The following PCDHA7 variants were observed in gnomAD, a reference collection of about 807,000 sequenced individuals.
PCDHA7 encodes protocadherin alpha 7, also known as protocadherin alpha-7.
A neutral mutation model predicts 57.2 loss-of-function variants in PCDHA7; 37 were observed. The ratio of observed to expected loss-of-function variants is 0.65; its 90% CI spans 0.50 to 0.85. The LOEUF (loss-of-function observed/expected upper bound fraction) is 0.85, where lower values mean the gene tolerates loss of function less well. Ranked by LOEUF, PCDHA7 falls within the 40% of genes least tolerant of loss-of-function variation. The pLI, the probability that PCDHA7 is intolerant of heterozygous loss-of-function variation, is 0.00. For missense variants in PCDHA7, 1,188 were observed against 1,241.8 expected (o/e 0.96, Z 0.65); for synonymous variants, 553 against 558.8 (o/e 0.99, Z 0.15).
At chr5:140,857,914 C>A (rs781836779) in intron 1 of PCDHA7, 4 of 1,597,754 alleles carry the variant, frequency 2.5e-6, no homozygotes, top group South Asian at 2.2e-5. Flanking sequence ...TCCCGTTTCG[C>A]GTGGGGCTGT....
intron 3 of PCDHA7, among the ~76,000 whole-genome samples, chr5:141,007,525 G>C (rs782132903): frequency 1.3e-4 from 19 of 151,814 alleles, no homozygotes; most frequent in Non-Finnish European, 2.5e-4. Context: ...CTGATATCTC[G>C]CCACTGCACT....
intron 1 of PCDHA7, among the ~76,000 whole-genome samples, chr5:140,915,767 C>T (rs1554197085): frequency 6.6e-6 from 1 of 151,976 alleles, no homozygotes; most frequent in Non-Finnish European, 1.5e-5. Context: ...TGGGTCTTGT[C>T]CAAGGCCTGC....
At chr5:140,939,841 T>C (rs1269688667) in intron 1 of PCDHA7, among the ~76,000 whole-genome samples, 5 of 152,344 alleles carry the variant, frequency 3.3e-5, no homozygotes, top group Middle Eastern at 3.4e-3. Context: ...TGCTTGTTGT[T>C]GTGTTCTGTA....
intron 1 of PCDHA7, among the ~76,000 whole-genome samples, chr5:140,888,049 T>C (rs554327528): frequency 1.3e-5 from 2 of 152,354 alleles, no homozygotes; most frequent in South Asian, 2.1e-4. Context: ...GTATAATAGA[T>C]GTTTTAACTT....
chr5:140,883,870 G>T, intron 1 of PCDHA7: 1 of 1,613,302 alleles, frequency 6.2e-7, no homozygotes, highest in South Asian at 1.1e-5. Context: ...TGCAGTTCCA[G>T]GTGAGCGCGC....
intron 3 of PCDHA7, 39 bp from the exon 4 acceptor site, chr5:141,009,588 G>A: frequency 6.3e-7 from 1 of 1,598,586 alleles, no homozygotes; most frequent in Non-Finnish European, 8.5e-7. Context: ...AAGAGCATGT[G>A]TTGACCCTGT....
intron 1 of PCDHA7, among the ~76,000 whole-genome samples, chr5:140,938,877 ACACACACACACACAGATGCG>A (rs1350432569): frequency 6.6e-6 from 1 of 150,854 alleles, no homozygotes; most frequent in Non-Finnish European, 1.5e-5. Flanking sequence ...TTAAGAAGCA[ACACACACACACACAGATGCG>A]CACACACACA....
intron 1 of PCDHA7, among the ~76,000 whole-genome samples, chr5:140,903,398 T>C (rs1011557575): frequency 1.3e-5 from 2 of 152,204 alleles, no homozygotes; most frequent in Admixed American, 1.3e-4. Context: ...CTAGAAACAG[T>C]AGTGCAGTCA....
intron 3 of PCDHA7, among the ~76,000 whole-genome samples, chr5:140,996,886 T>C (rs1396322934): frequency 6.6e-6 from 1 of 152,218 alleles, no homozygotes; most frequent in Non-Finnish European, 1.5e-5. Context: ...TATTTTTAAA[T>C]AAAATAGAAT....
intron 1 of PCDHA7, among the ~76,000 whole-genome samples, chr5:140,897,304 G>C (rs1297881439): frequency 1.7e-4 from 25 of 150,768 alleles, no homozygotes; most frequent in African/African-American, 6.1e-4. Flanking sequence ...TTTAGCATTA[G>C]GTATATCTCC....
At chr5:140,861,631 C>A (rs960525062) in intron 1 of PCDHA7, 2 of 314,942 alleles carry the variant, frequency 6.4e-6, no homozygotes, top group Non-Finnish European at 1.3e-5. Context: ...GTGTTCTCAG[C>A]AACACAAAAG....
chr5:140,972,905 A>C (rs1188926107), intron 1 of PCDHA7, among the ~76,000 whole-genome samples: 18 of 151,782 alleles, frequency 1.2e-4, no homozygotes, highest in African/African-American at 4.4e-4. Flanking sequence ...CTTGTGATCC[A>C]CCCGCCTTGG....
At chr5:140,917,118 G>A (rs961408905) in intron 1 of PCDHA7, among the ~76,000 whole-genome samples, 2 of 152,106 alleles carry the variant, frequency 1.3e-5, no homozygotes, top group African/African-American at 2.4e-5. Context: ...CTCCAAGTGC[G>A]CAGACTCCCC....
Position 140,836,216 on chromosome 5 carries a change from G to A in PCDHA7, c.1833G>A (p.Leu611=). 6.2e-7 allele frequency: 1 copy of A among 1,613,840 alleles called. No individual in the cohort carries two copies. Among genetic ancestry groups the A allele is most frequent in the Non-Finnish European group, 8.5e-7 (1 of 1,179,822 alleles). Residue 611 remains leucine, a synonymous_variant, in exon 1 of 4, where the codon TTG becomes TTA. Transcript: ENST00000525929. The part of the protein sequence containing the change: ...SGYNAWLSYE[L]QPVAAGASIP... ...ACAACGCGTGGCTTTCGTATGAGTT[G>A]CAACCGGTGGCGGCCGGTGCGAGCA...
At chr5:140,923,480 C>G (rs1554201462) in intron 1 of PCDHA7, among the ~76,000 whole-genome samples, 1 of 152,064 alleles carries the variant, frequency 6.6e-6, no homozygotes, top group African/African-American at 2.4e-5. Context: ...AGTGAGCCAT[C>G]TTCACACCAC....
At chr5:140,879,743 C>A (rs553188333) in intron 1 of PCDHA7, among the ~76,000 whole-genome samples, 2 of 152,274 alleles carry the variant, frequency 1.3e-5, no homozygotes, top group South Asian at 2.1e-4. Context: ...AAGGTGTTGT[C>A]AAGGCTATAC....
chr5:141,012,183 A>G lies in PCDHA7; in HGVS notation c.*2246A>G, dbSNP rs1554263839. The stretch of plus-strand genomic sequence containing the variant: ...TAATTTATTAATGATGATAATTATA[A>G]TGTATCTGTACAGCACTTTTTACAT... On this transcript the variant is annotated 3_prime_UTR_variant, in exon 4 of 4. Coordinates refer to ENST00000525929, the MANE Select transcript of PCDHA7 (RefSeq NM_018910.3). The G allele has an allele frequency of 6.5e-6, 1 of 153,782 alleles. No homozygotes were observed. Among genetic ancestry groups the G allele is most frequent in the Admixed American group, 6.5e-5 (1 of 15,280 alleles). 9.5% of individuals were successfully genotyped at this position (153,782 alleles called of 1,614,324 possible). A position where few individuals can be genotyped will look rare whatever the true frequency, so the allele number is the denominator to read the frequency against.
At chr5:140,928,367 C>T (rs781897390) in intron 1 of PCDHA7, 1 of 1,614,170 alleles carries the variant, frequency 6.2e-7, no homozygotes, top group East Asian at 2.2e-5. Context: ...TCTGAAGGGC[C>T]ATCAGCCTCT....
chr5:140,871,712 A>G, intron 1 of PCDHA7: 1 of 805,086 alleles, frequency 1.2e-6, no homozygotes, highest in South Asian at 2.2e-5. Context: ...TAAATGTCCT[A>G]TTTCTCTTAA....
Sources: allele counts gnomAD v4.1 joint callset (sites outside exome capture counted in the v4.1 genomes callset), GRCh38; gene constraint gnomAD v4.1.1; transcripts MANE v1.5; gene names NCBI Gene and HGNC (gene_info 2026-07-23, HGNC 2026-07-21).